Variants in EPB41L4B observed in about 807,000 individuals in gnomAD.
EPB41L4B encodes erythrocyte membrane protein band 4.1 like 4B.
Under a neutral mutation model 112.5 loss-of-function variants are expected in EPB41L4B, and 30 were observed. The ratio of observed to expected loss-of-function variants is 0.27; its 90% CI spans 0.20 to 0.36. The LOEUF is 0.36. Ranked by LOEUF, EPB41L4B falls within the 10% of genes least tolerant of loss-of-function variation. The probability of loss-of-function intolerance (pLI) is 1.00; values close to 1 mark genes in which losing one functional copy is unlikely to be tolerated. For synonymous variants in EPB41L4B, 408 were observed against 439.7 expected (o/e 0.93, Z 0.90); for missense variants, 1,024 against 1,133.3 (o/e 0.90, Z 1.38).
intron 12 of EPB41L4B, among the ~76,000 whole-genome samples, chr9:109,252,698 G>A (rs185507746): frequency 2.5e-4 from 38 of 152,330 alleles, no homozygotes; most frequent in Non-Finnish European, 2.9e-4. Context: ...AGGAGGCTGG[G>A]AGTGCAGAGG....
At chr9:109,261,528 G>A (rs1475535019) in intron 6 of EPB41L4B, among the ~76,000 whole-genome samples, 2 of 152,088 alleles carry the variant, frequency 1.3e-5, no homozygotes, top group African/African-American at 2.4e-5. Flanking sequence ...CTGAAGAATA[G>A]AAGTTTCAGG....
intron 23 of EPB41L4B, 100 bp from the exon 24 acceptor site, chr9:109,182,897 G>A (rs1005447276): frequency 9.7e-6 from 8 of 822,498 alleles, no homozygotes; most frequent in Non-Finnish European, 1.7e-5. Context: ...AAGGATTCAG[G>A]GGTGCCCCCG....
chr9:109,249,885 C>T (rs1169178121), intron 13 of EPB41L4B, among the ~76,000 whole-genome samples: 1 of 152,172 alleles, frequency 6.6e-6, no homozygotes, highest in Non-Finnish European at 1.5e-5. Flanking sequence ...AACCCAGAGA[C>T]AAAAGGCAGA....
chr9:109,217,739 T>C (rs2118840130), intron 15 of EPB41L4B, among the ~76,000 whole-genome samples: 1 of 152,236 alleles, frequency 6.6e-6, no homozygotes, highest in East Asian at 1.9e-4. Flanking sequence ...GCCTGGCTAA[T>C]TTTTAAAATT....
intron 22 of EPB41L4B, among the ~76,000 whole-genome samples, chr9:109,188,302 G>C (rs1564252459): frequency 6.6e-6 from 1 of 152,272 alleles, no homozygotes; most frequent in South Asian, 2.1e-4. Flanking sequence ...CAGACACTGA[G>C]GCTGGGAAGC....
At chr9:109,240,034 C>T (rs1041981728) in intron 15 of EPB41L4B, 1 of 985,250 alleles carries the variant, frequency 1.0e-6, no homozygotes, top group African/African-American at 1.7e-5. Flanking sequence ...GCTCCACCCA[C>T]CTAACTGAAT....
At chr9:109,175,986 A>G (rs1246765927) in intron 25 of EPB41L4B, among the ~76,000 whole-genome samples, 2 of 142,380 alleles carry the variant, frequency 1.4e-5, no homozygotes, top group Admixed American at 1.4e-4. Flanking sequence ...AGGCCATCCC[A>G]GGATACCTTA....
chr9:109,204,082 T>C (rs990118789), intron 18 of EPB41L4B, among the ~76,000 whole-genome samples: 7 of 152,194 alleles, frequency 4.6e-5, no homozygotes, highest in Admixed American at 3.9e-4. Flanking sequence ...TCAGGAATAA[T>C]AATCAGCTCT....
chr9:109,290,712 T>C (rs1392270044), intron 1 of EPB41L4B, among the ~76,000 whole-genome samples: 2 of 100,764 alleles, frequency 2.0e-5, no homozygotes, highest in East Asian at 2.1e-4. Flanking sequence ...AAACTAGCCA[T>C]ATATATATAT....
chr9:109,307,986 T>C (rs1294057922), intron 1 of EPB41L4B, among the ~76,000 whole-genome samples: 3 of 152,170 alleles, frequency 2.0e-5, no homozygotes, highest in South Asian at 4.1e-4. Context: ...CCAAGGCAGA[T>C]GGGAAAGGCC....
intron 14 of EPB41L4B, 21 bp from the exon 15 acceptor site, chr9:109,243,703 T>C (rs761240281): frequency 6.2e-7 from 1 of 1,610,774 alleles, no homozygotes; most frequent in Admixed American, 1.7e-5. Context: ...AACACCAAAC[T>C]TGATTATTTG....
At chr9:109,249,066 A>AT (rs1244641791) in intron 13 of EPB41L4B, among the ~76,000 whole-genome samples, 8 of 147,278 alleles carry the variant, frequency 5.4e-5, no homozygotes, top group Admixed American at 1.4e-4. Context: ...CTCAAAAAAA[A>AT]AAAAAAATAT....
At position 109,260,879 on chromosome 9, in the gene EPB41L4B, T is replaced by C. The variant is rs570171033; in HGVS notation, c.631+2171A>G. Among the ~76,000 whole-genome samples the C allele has an allele frequency of 5.9e-5, 9 of 152,268 alleles. No individual in the cohort carries two copies. The South Asian group carries it at 1.9e-3, about 32-fold the overall frequency. ...AAGTGTGGTGAGGGCTTCATTGCAA[T>C]GGGGTGGGATGGTAATACGTGCACC... On this transcript the variant is annotated intron_variant, in intron 6 of 25. Transcript: ENST00000374566.
At chr9:109,206,788 C>G (rs560051145) in intron 18 of EPB41L4B, among the ~76,000 whole-genome samples, 1 of 152,346 alleles carries the variant, frequency 6.6e-6, no homozygotes, top group Non-Finnish European at 1.5e-5. Flanking sequence ...GGAGCTGGCC[C>G]AGGGGCCTGC....
At position 109,321,032 on chromosome 9, in the gene EPB41L4B, C is replaced by T. The variant is rs1173769835; in HGVS notation, c.-586G>A. The T allele has an allele frequency of 1.1e-4, 21 of 187,492 alleles. No homozygotes were observed. The highest frequency in any genetic ancestry group is 5.6e-4 in the South Asian group (5 of 8,998). The allele number at this position is 187,492 out of a possible 1,614,324, so 11.6% of individuals were successfully genotyped here. A position where few individuals can be genotyped will look rare whatever the true frequency, so the allele number is the denominator to read the frequency against. On this transcript the variant is annotated 5_prime_UTR_variant, in exon 1 of 26. Transcript: ENST00000374566. ...CAGCCGCCGCCGCCGCCGCCGCCGC[C>T]GCTGCCGCCGGGACTGCAGCACGCC...
At chr9:109,202,428 C>G (rs768771686) in intron 19 of EPB41L4B, among the ~76,000 whole-genome samples, 1 of 152,186 alleles carries the variant, frequency 6.6e-6, no homozygotes, top group African/African-American at 2.4e-5. Flanking sequence ...TACTGGCACC[C>G]ACCAAACACC....
rs977735570 is a variant in EPB41L4B at position 109,240,553 on chromosome 9, G to GA, written c.1409+3064dup. The GA allele has an allele frequency of 1.6e-5, 16 of 985,106 alleles. 1 individual carries two copies. In the African/African-American group the frequency reaches 2.6e-4, roughly 16 times the overall value. 61.0% of individuals were successfully genotyped at this position (985,106 alleles called of 1,614,324 possible). A position where few individuals can be genotyped will look rare whatever the true frequency, so the allele number is the denominator to read the frequency against. On this transcript the variant is annotated intron_variant, in intron 15 of 25. Transcript: ENST00000374566. ...AAACATTTCAGGTCTATTATTAAGA[G>GA]AAAAAAATGTTTGACTCAGGGCTTG... is the stretch of plus-strand genomic sequence containing the variant.
intron 22 of EPB41L4B, among the ~76,000 whole-genome samples, chr9:109,189,516 T>C (rs1395874190): frequency 6.6e-6 from 1 of 152,242 alleles, no homozygotes. Flanking sequence ...AAACTTTTTA[T>C]TAATCTGGGC....
At chr9:109,296,697 G>C (rs1405592975) in intron 1 of EPB41L4B, among the ~76,000 whole-genome samples, 2 of 151,530 alleles carry the variant, frequency 1.3e-5, no homozygotes, top group African/African-American at 4.9e-5. Context: ...ATTGGCATGG[G>C]CAACACAGCC....
Sources: allele counts gnomAD v4.1 joint callset (sites outside exome capture counted in the v4.1 genomes callset), GRCh38; gene constraint gnomAD v4.1.1; transcripts MANE v1.5; gene names NCBI Gene and HGNC (gene_info 2026-07-23, HGNC 2026-07-21).